ERC1: variants seen among roughly 807,000 people sequenced by gnomAD.
The protein encoded by ERC1 is RAB6 interacting protein 2.
A neutral mutation model predicts 132.0 loss-of-function variants in ERC1; 56 were observed. The ratio of observed to expected loss-of-function variants is 0.42; its 90% CI spans 0.34 to 0.53. ERC1 has a LOEUF of 0.53. Among genes scored for constraint, ERC1 ranks in the 20% least tolerant of loss-of-function variants. The pLI is 0.03. For synonymous variants in ERC1, 478 were observed against 476.1 expected, an observed-to-expected ratio of 1.00 and a Z score of -0.05; for missense variants, 1,202 against 1,349.9, an observed-to-expected ratio of 0.89 and a Z score of 1.72.
chr12:1,099,797 A>G (rs1420039549), intron 3 of ERC1, among the ~76,000 whole-genome samples: 2 of 151,562 alleles, frequency 1.3e-5, no homozygotes, highest in Non-Finnish European at 2.9e-5. Flanking sequence ...ATCATAAGTG[A>G]AAATGGGGTA....
intron 8 of ERC1, chr12:1,151,681 C>G (rs953911850): frequency 1.3e-5 from 2 of 152,166 alleles, no homozygotes; most frequent in African/African-American, 4.8e-5. Flanking sequence ...AACAGGTAAC[C>G]CTGTGAACCA....
chr12:1,187,604 A>G (rs891972440), intron 11 of ERC1, among the ~76,000 whole-genome samples: 29 of 152,126 alleles, frequency 1.9e-4, no homozygotes, highest in African/African-American at 6.7e-4. Context: ...GCTACATTTA[A>G]TCTTGCACTT....
rs74057301 is a variant in ERC1, at chr12:1,221,539, G to T, written c.2352-15230G>T. Reference sequence around the variant, plus strand: ...AACTCCAAGTAATTAACACTTTTACGTTCTGTATTGATATCTTTTCTCCTT... The same window carrying T: ...AACTCCAAGTAATTAACACTTTTACTTTCTGTATTGATATCTTTTCTCCTT... On this transcript the variant is annotated intron_variant, in intron 12 of 18. Coordinates refer to ENST00000360905, the MANE Select transcript of ERC1 (RefSeq NM_178040.4). Among the ~76,000 whole-genome samples the T allele has an allele frequency of 5.7e-3, 874 of 152,178 alleles. 6 individuals are homozygous for T. The highest frequency in any genetic ancestry group is 0.02 in the African/African-American group (837 of 41,522).
intron 8 of ERC1, among the ~76,000 whole-genome samples, chr12:1,155,172 A>T (rs1951251019): frequency 6.6e-6 from 1 of 152,158 alleles, no homozygotes; most frequent in Non-Finnish European, 1.5e-5. Context: ...CTAAAAATAA[A>T]AAAATCTGAT....
intron 6 of ERC1, among the ~76,000 whole-genome samples, chr12:1,114,003 T>C (rs1318995265): frequency 6.6e-6 from 1 of 152,116 alleles, no homozygotes; most frequent in Admixed American, 6.5e-5. Flanking sequence ...GCTTCTAAAC[T>C]CTGCTTTTCT....
intron 12 of ERC1, among the ~76,000 whole-genome samples, chr12:1,192,174 T>A (rs562613192): frequency 1.3e-5 from 2 of 152,232 alleles, no homozygotes. Context: ...TTAGGTGATT[T>A]ATTCTTTTAC....
At chr12:1,406,518 A>G (rs2091502140) in intron 16 of ERC1, among the ~76,000 whole-genome samples, 1 of 152,230 alleles carries the variant, frequency 6.6e-6, no homozygotes, top group Non-Finnish European at 1.5e-5. Context: ...AGAGCATGCC[A>G]CTTTTTATGT....
intron 17 of ERC1, among the ~76,000 whole-genome samples, chr12:1,420,310 C>G (rs2092370586): frequency 6.6e-6 from 1 of 151,906 alleles, no homozygotes; most frequent in South Asian, 2.1e-4. Context: ...AATTTGGAGA[C>G]CATCTTTTAG....
intron 12 of ERC1, among the ~76,000 whole-genome samples, chr12:1,215,429 A>G (rs1439338955): frequency 6.6e-6 from 1 of 152,214 alleles, no homozygotes; most frequent in Non-Finnish European, 1.5e-5. Context: ...ATTTAACAGC[A>G]TATTCAATTA....
intron 17 of ERC1, among the ~76,000 whole-genome samples, chr12:1,434,629 C>T (rs2092900805): frequency 6.6e-6 from 1 of 152,204 alleles, no homozygotes; most frequent in Non-Finnish European, 1.5e-5. Context: ...AATTGATCTC[C>T]AGTCCCTGCT....
intron 7 of ERC1, among the ~76,000 whole-genome samples, chr12:1,123,850 C>G (rs998807947): frequency 2.3e-4 from 35 of 152,190 alleles, no homozygotes; most frequent in African/African-American, 8.4e-4. Flanking sequence ...CAAAAATGAG[C>G]TGGGCGTGGT....
chr12:1,118,097 A>G (rs374516680), intron 7 of ERC1, among the ~76,000 whole-genome samples: 111 of 152,326 alleles, frequency 7.3e-4, no homozygotes, highest in African/African-American at 2.5e-3. Flanking sequence ...AAGTTATTTT[A>G]AAATGTAATA....
Position 1,431,996 on chromosome 12 carries a change from A to T in ERC1, c.3025-12566A>T, listed in dbSNP as rs539215554. Among the ~76,000 whole-genome samples, 3 of 152,214 alleles carry T rather than the reference A, an allele frequency of 2.0e-5. No homozygotes were observed. In the South Asian group the frequency reaches 6.2e-4, roughly 32 times the overall value. ...CAGGCTCAAGCAGTCCTCTTACCTC[A>T]GCCTCCTGAGTAACTGGGACTATTG... On this transcript the variant is annotated intron_variant, in intron 17 of 18. Coordinates refer to ENST00000360905, the MANE Select transcript of ERC1 (RefSeq NM_178040.4).
chr12:1,176,916 T>C (rs185901450), intron 8 of ERC1, among the ~76,000 whole-genome samples: 20 of 152,360 alleles, frequency 1.3e-4, no homozygotes, highest in African/African-American at 4.6e-4. Flanking sequence ...TGAAAATTCA[T>C]TGTTTGTTGT....
At chr12:1,008,343 AAAAG>A (rs1964088272) in intron 1 of ERC1, among the ~76,000 whole-genome samples, 1 of 152,248 alleles carries the variant, frequency 6.6e-6, no homozygotes, top group African/African-American at 2.4e-5. Flanking sequence ...TTAAAGAGTA[AAAAG>A]AAACAATTGG....
intron 14 of ERC1, among the ~76,000 whole-genome samples, chr12:1,265,256 CATT>C (rs2077403207): frequency 6.6e-6 from 1 of 152,238 alleles, no homozygotes; most frequent in African/African-American, 2.4e-5. Flanking sequence ...GCTTTGGCCT[CATT>C]ATTTATTGAC....
In ERC1 at chr12:1,490,644, C is replaced by G. The variant is rs539590926; in HGVS notation, c.*414C>G. 1.1e-3 allele frequency: 262 copies of G among 247,716 alleles called. 1 individual carries two copies. Among genetic ancestry groups the G allele is most frequent in the African/African-American group, 5.4e-3 (248 of 46,144 alleles). 15.3% of individuals were successfully genotyped at this position (247,716 alleles called of 1,614,324 possible). A position where few individuals can be genotyped will look rare whatever the true frequency, so the allele number is the denominator to read the frequency against. ...AGGCTGAGAGGATGCCTCCAATGGA[C>G]CAGAGAGCTGAGTGTTCTAATATCA... On this transcript the variant is annotated 3_prime_UTR_variant, in exon 19 of 19. Coordinates refer to ENST00000360905, the MANE Select transcript of ERC1 (RefSeq NM_178040.4).
intron 1 of ERC1, among the ~76,000 whole-genome samples, chr12:1,016,391 A>C (rs773117488): frequency 2.0e-5 from 3 of 152,192 alleles, no homozygotes; most frequent in Admixed American, 6.5e-5. Context: ...TCAGTTCATA[A>C]AGAGCTATTA....
chr12:1,466,863 A>T (rs1208027720), intron 18 of ERC1, among the ~76,000 whole-genome samples: 3 of 152,230 alleles, frequency 2.0e-5, no homozygotes, highest in Non-Finnish European at 4.4e-5. Context: ...AGATTATGGT[A>T]TTCTTCTACA....
Sources: gnomAD v4.1 joint callset for allele counts (sites outside exome capture counted in the v4.1 genomes callset) on GRCh38, gnomAD v4.1.1 for gene constraint, MANE v1.5 for transcripts, NCBI Gene and HGNC (gene_info 2026-07-23, HGNC 2026-07-21) for gene names.